EPHB4: variants seen among roughly 807,000 people sequenced by gnomAD.
The protein encoded by EPHB4 is ephrin type-B receptor 4.
EPHB4 carries 50 observed loss-of-function variants against 110.6 expected under a neutral mutation model. That is an observed-to-expected ratio of 0.45 (90% CI 0.36 to 0.57). The LOEUF is 0.57. Among genes scored for constraint, EPHB4 ranks in the 20% least tolerant of loss-of-function variants. The probability of loss-of-function intolerance (pLI) is 0.00; values close to 1 mark genes in which losing one functional copy is unlikely to be tolerated. For missense variants in EPHB4, 1,128 were observed against 1,382.1 expected (o/e 0.82, Z 2.91); for synonymous variants, 592 against 578.4 (o/e 1.02, Z -0.34).
intron 12 of EPHB4, among the ~76,000 whole-genome samples, chr7:100,810,948 T>G (rs996962570): frequency 2.6e-5 from 4 of 151,702 alleles, no homozygotes; most frequent in African/African-American, 7.3e-5. Context: ...AATGTTTTGA[T>G]TTTTTTAAAA....
chr7:100,817,859 GTTTT>G lies in EPHB4; in HGVS notation c.1423-506_1423-503del, dbSNP rs33978512. On this transcript the variant is annotated intron_variant, in intron 7 of 16. Transcript: ENST00000358173. ...TTTTTTCATTTTAAGTATTTTTTGC[GTTTT>G]TTTTTTTTTTTTTTTTTTTTGGAGA... 1.8e-3 allele frequency among the ~76,000 whole-genome samples: 86 copies of G among 47,108 alleles called. 1 individual carries two copies. Among genetic ancestry groups the G allele is most frequent in the African/African-American group, 6.1e-3 (76 of 12,534 alleles). 30.9% of individuals were successfully genotyped at this position (47,108 alleles called of 152,430 possible).
At chr7:100,823,492 C>A (rs1296605673) in intron 3 of EPHB4, 152 bp downstream of exon 3, 1 of 1,067,844 alleles carries the variant, frequency 9.4e-7, no homozygotes, top group East Asian at 2.6e-5. Context: ...CAGAAGATCA[C>A]CCCCTTCCCT....
At chr7:100,807,237 C>A (rs552947577) in intron 13 of EPHB4, 128 bp downstream of exon 13, 12 of 914,230 alleles carry the variant, frequency 1.3e-5, no homozygotes, top group Middle Eastern at 2.3e-4. Flanking sequence ...ACTGTCCCCC[C>A]ACCCACAGCC....
rs372997648 is a variant in EPHB4, at chr7:100,824,268, G to A, written c.58C>T (p.Leu20=). The A allele has an allele frequency of 7.2e-5, 117 of 1,614,116 alleles. No homozygotes were observed. The South Asian group carries it at 1.1e-3, about 16-fold the overall frequency. The part of the protein sequence containing the change: ...ASLAAALEET[L]LNTKLETADL... ...GCAGTTTCCAATTTTGTGTTCAGCAGGGTCTCTGAGACAGACAGAGAGACA... is the reference window on the plus strand; with the variant it reads ...GCAGTTTCCAATTTTGTGTTCAGCAAGGTCTCTGAGACAGACAGAGAGACA... The change falls in exon 2 of 17, where the codon CTG becomes TTG. Residue 20 remains leucine, a synonymous_variant. Transcript: ENST00000358173.
intron 4 of EPHB4, among the ~76,000 whole-genome samples, chr7:100,821,889 G>A (rs905565736): frequency 2.0e-5 from 3 of 151,938 alleles, no homozygotes; most frequent in Non-Finnish European, 4.4e-5. Context: ...AGCTGGGTGT[G>A]GTGACGCACG....
At chr7:100,823,206 G>A (rs1183296307) in intron 3 of EPHB4, among the ~76,000 whole-genome samples, 1 of 152,168 alleles carries the variant, frequency 6.6e-6, no homozygotes, top group East Asian at 1.9e-4. Context: ...ATTGTAGGGA[G>A]GAGAGAGTCA....
At chr7:100,810,579 T>TA (rs1244626173) in intron 12 of EPHB4, among the ~76,000 whole-genome samples, 1 of 151,682 alleles carries the variant, frequency 6.6e-6, no homozygotes, top group Non-Finnish European at 1.5e-5. Context: ...CCCATCTCCG[T>TA]AAAAAATTTA....
chr7:100,814,067 A>G, intron 8 of EPHB4, 46 bp from the exon 9 acceptor site: 1 of 1,601,428 alleles, frequency 6.2e-7, no homozygotes, highest in African/African-American at 1.3e-5. Flanking sequence ...ATGGTCCTGT[A>G]GGAGGCCCCA....
At chr7:100,803,636 G>A in intron 16 of EPHB4, 46 bp from the exon 17 acceptor site, 1 of 1,550,242 alleles carries the variant, frequency 6.5e-7, no homozygotes, top group East Asian at 2.3e-5. Context: ...GTTCCCTGTG[G>A]CCGCTCTCCT....
At chr7:100,819,441 C>T (rs1273116304) in intron 6 of EPHB4, 116 bp downstream of exon 6, 1 of 1,226,866 alleles carries the variant, frequency 8.2e-7, no homozygotes, top group Non-Finnish European at 1.1e-6. Flanking sequence ...GCCCCCAAAG[C>T]CTTAGCCCCT....
rs993865441 is a variant in EPHB4 at position 100,822,813 on chromosome 7, G to T, written c.412-146C>A. 3.1e-5 allele frequency: 40 copies of T among 1,274,716 alleles called. No homozygotes were observed. In the African/African-American group the frequency reaches 5.8e-4, roughly 19 times the overall value. 79.0% of individuals were successfully genotyped at this position (1,274,716 alleles called of 1,614,324 possible). A position where few individuals can be genotyped will look rare whatever the true frequency, so the allele number is the denominator to read the frequency against. On this transcript the variant is annotated intron_variant, in intron 3 of 16. Transcript: ENST00000358173. This position sits in a 1 kb window ranked among gnomAD's most constrained non-coding sequence, Gnocchi z 4.7. ...CCACCTTCCCCAGGGCACACTTTCT[G>T]CAGGCCCCCACACTGTCCATTCAGC...
Position 100,823,272 on chromosome 7 carries a change from T to C in EPHB4, c.411+372A>G, listed in dbSNP as rs967699012. 9.3e-5 allele frequency among the ~76,000 whole-genome samples: 14 copies of C among 150,994 alleles called. 1 individual carries two copies. Among genetic ancestry groups the C allele is most frequent in the Admixed American group, 5.3e-4 (8 of 15,182 alleles). Reference sequence around the variant, plus strand: ...CTGGAACTCCGAAGACAAGTAGGGGTGTGAGAGGCAGAGAGGCCCCCAGGT... The same window carrying C: ...CTGGAACTCCGAAGACAAGTAGGGGCGTGAGAGGCAGAGAGGCCCCCAGGT... On this transcript the variant is annotated intron_variant, in intron 3 of 16. Coordinates refer to ENST00000358173, the MANE Select transcript of EPHB4 (RefSeq NM_004444.5).
At chr7:100,811,775 C>T (rs1294630701) in intron 12 of EPHB4, among the ~76,000 whole-genome samples, 5 of 150,642 alleles carry the variant, frequency 3.3e-5, no homozygotes, top group African/African-American at 9.8e-5. Context: ...GAGGCTGAGG[C>T]GGGAGGATCA....
chr7:100,805,318 G>A lies in EPHB4; in HGVS notation c.2682C>T (p.Ala894=), dbSNP rs371478366. The A allele has an allele frequency of 1.2e-6, 2 of 1,613,764 alleles. No individual in the cohort carries two copies. Among genetic ancestry groups the A allele is most frequent in the Non-Finnish European group, 1.7e-6 (2 of 1,179,850 alleles). The change falls in exon 16 of 17, where the codon GCC becomes GCT. Residue 894 remains alanine (A), a synonymous_variant. Coordinates refer to ENST00000358173, the MANE Select transcript of EPHB4 (RefSeq NM_004444.5). ...GCCGCTGGTCCAGGAGAGGGTGTGA[G>A]GCCCTAGGGGGCAAGGATGGGGAGG... ...LKIVARENGG[A]SHPLLDQRQP...
chr7:100,817,995 T>C (rs1020932753), intron 7 of EPHB4, among the ~76,000 whole-genome samples: 12 of 148,444 alleles, frequency 8.1e-5, no homozygotes, highest in Admixed American at 6.2e-4. Flanking sequence ...GCCTCCCGAG[T>C]AGCTGGGACT....
intron 12 of EPHB4, among the ~76,000 whole-genome samples, chr7:100,808,511 G>C (rs945449768): frequency 6.6e-6 from 1 of 152,180 alleles, no homozygotes; most frequent in African/African-American, 2.4e-5. Flanking sequence ...ACAGGCATGA[G>C]TCACCTGAGC....
chr7:100,804,620 A>G (rs1206280014), intron 16 of EPHB4, among the ~76,000 whole-genome samples: 2 of 151,962 alleles, frequency 1.3e-5, no homozygotes, highest in Non-Finnish European at 2.9e-5. Context: ...CGGCCTTCAG[A>G]TTTCTATTCC....
intron 13 of EPHB4, among the ~76,000 whole-genome samples, chr7:100,807,119 C>G (rs775465451): frequency 5.3e-5 from 8 of 152,278 alleles, no homozygotes; most frequent in Non-Finnish European, 1.2e-4. Flanking sequence ...CATGCCACTG[C>G]GCCTGGCTAA....
chr7:100,819,939 G>T, intron 5 of EPHB4, 50 bp from the exon 6 acceptor site: 1 of 1,507,810 alleles, frequency 6.6e-7, no homozygotes, highest in South Asian at 1.3e-5. Context: ...CTGCGGTGGT[G>T]GGGAGAGGGC....
Sources: allele counts gnomAD v4.1 joint callset (sites outside exome capture counted in the v4.1 genomes callset), GRCh38; gene constraint gnomAD v4.1.1; non-coding constraint Gnocchi (gnomAD v3.1); transcripts MANE v1.5; gene names NCBI Gene and HGNC (gene_info 2026-07-23, HGNC 2026-07-21).